The following TFCP2L1 variants were observed in gnomAD, a reference collection of about 807,000 sequenced individuals.
TFCP2L1 encodes transcription factor CP2-like protein 1.
A neutral mutation model predicts 72.2 loss-of-function variants in TFCP2L1; 12 were observed. That is an observed-to-expected ratio of 0.17 (90% CI 0.11 to 0.27). TFCP2L1 has a LOEUF of 0.27. TFCP2L1 is among the 10% of genes least tolerant of loss of function. The pLI is 1.00. For synonymous variants in TFCP2L1, 260 were observed against 251.0 expected, an observed-to-expected ratio of 1.04 and a Z score of -0.34; for missense variants, 488 against 624.6, an observed-to-expected ratio of 0.78 and a Z score of 2.33.
rs557067549 is a variant in TFCP2L1 at position 121,237,871 on chromosome 2, T to C, written c.861-21A>G. Reference sequence around the variant, plus strand: ...CGTTGCTGCAAGGAAAAGGAACCAGTGATGAGGACAGAGGGGGCTCCCAGG... The same window carrying C: ...CGTTGCTGCAAGGAAAAGGAACCAGCGATGAGGACAGAGGGGGCTCCCAGG... On this transcript the variant is annotated intron_variant, in intron 8 of 14. Coordinates refer to ENST00000263707, the MANE Select transcript of TFCP2L1 (RefSeq NM_014553.3). 4.0e-5 allele frequency: 65 copies of C among 1,613,576 alleles called. No homozygotes were observed. In the South Asian group the frequency reaches 6.8e-4, roughly 17 times the overall value.
chr2:121,254,680 C>G (rs141397787), intron 2 of TFCP2L1, among the ~76,000 whole-genome samples: 6 of 152,094 alleles, frequency 3.9e-5, no homozygotes, highest in African/African-American at 1.4e-4. Context: ...TGCTTGTAAT[C>G]GCAGCTATTC....
intron 2 of TFCP2L1, among the ~76,000 whole-genome samples, chr2:121,270,024 T>C (rs953032562): frequency 6.6e-6 from 1 of 151,128 alleles, no homozygotes; most frequent in Non-Finnish European, 1.5e-5. Flanking sequence ...ATCCCAAATA[T>C]ACAAGCAGCT....
chr2:121,264,980 A>G (rs915209077), intron 2 of TFCP2L1, among the ~76,000 whole-genome samples: 1 of 152,180 alleles, frequency 6.6e-6, no homozygotes, highest in African/African-American at 2.4e-5. Flanking sequence ...CTACAAATAT[A>G]ACCAAGAGAA....
At chr2:121,269,424 G>T (rs1686999158) in intron 2 of TFCP2L1, among the ~76,000 whole-genome samples, 1 of 151,778 alleles carries the variant, frequency 6.6e-6, no homozygotes, top group African/African-American at 2.4e-5. Context: ...CTCTAGCCTG[G>T]GTGACAGAGG....
chr2:121,244,830 T>C (rs1422473263), intron 6 of TFCP2L1, among the ~76,000 whole-genome samples: 1 of 151,366 alleles, frequency 6.6e-6, no homozygotes. Context: ...TGAGGGGAGG[T>C]GGTGGCCAGA....
intron 6 of TFCP2L1, among the ~76,000 whole-genome samples, chr2:121,245,802 C>G (rs1394540655): frequency 6.6e-6 from 1 of 152,158 alleles, no homozygotes; most frequent in Non-Finnish European, 1.5e-5. Context: ...TACCTGTGGG[C>G]ATTTATTCCC....
chr2:121,228,875 T>A (rs1686086077), intron 13 of TFCP2L1, among the ~76,000 whole-genome samples: 1 of 150,610 alleles, frequency 6.6e-6, no homozygotes, highest in Non-Finnish European at 1.5e-5. Context: ...AAGTTGCAGA[T>A]AAGATAAATG....
rs1468605523 is a variant in TFCP2L1, at chr2:121,221,137, G to A, written c.*3204C>T. The A allele has an allele frequency of 1.3e-5, 2 of 152,188 alleles. No individual in the cohort carries two copies. Among genetic ancestry groups the A allele is most frequent in the Non-Finnish European group, 2.9e-5 (2 of 68,042 alleles). The allele number at this position is 152,188 out of a possible 1,614,324, so 9.4% of individuals were successfully genotyped here. ...TCAGAAGACTAAAGGTCTAGTCCTG[G>A]TCCTTCCACTAATGGGCTATGGTGA... is the stretch of plus-strand genomic sequence containing the variant. On this transcript the variant is annotated 3_prime_UTR_variant, in exon 15 of 15. Coordinates refer to ENST00000263707, the MANE Select transcript of TFCP2L1 (RefSeq NM_014553.3).
chr2:121,248,363 C>T (rs1686533186), intron 4 of TFCP2L1, 93 bp from the exon 5 acceptor site: 1 of 1,010,780 alleles, frequency 9.9e-7, no homozygotes, highest in Admixed American at 2.8e-5. Flanking sequence ...AATTCCTTCG[C>T]CCCAATTTGC....
At chr2:121,270,303 GT>G (rs1364624990) in intron 2 of TFCP2L1, among the ~76,000 whole-genome samples, 1 of 152,196 alleles carries the variant, frequency 6.6e-6, no homozygotes, top group Non-Finnish European at 1.5e-5. Context: ...CTGCCCTCAA[GT>G]TTATATTTCA....
At chr2:121,253,044 C>T (rs555272517) in intron 2 of TFCP2L1, among the ~76,000 whole-genome samples, 61 of 152,236 alleles carry the variant, frequency 4.0e-4, no homozygotes, top group African/African-American at 1.4e-3. Context: ...ATGCCAAATG[C>T]GGTGGGTGGG....
At chr2:121,241,879 T>C (rs1686376159) in intron 7 of TFCP2L1, among the ~76,000 whole-genome samples, 2 of 152,086 alleles carry the variant, frequency 1.3e-5, no homozygotes, top group East Asian at 1.9e-4. Flanking sequence ...GTTGTGTCTA[T>C]GTACACTGTT....
rs557755239 is a variant in TFCP2L1 at position 121,284,404 on chromosome 2, A to G, written c.62+644T>C. 1.1e-3 allele frequency among the ~76,000 whole-genome samples: 160 copies of G among 152,348 alleles called. No homozygotes were observed. The South Asian group carries it at 0.012, about 12-fold the overall frequency. On this transcript the variant is annotated intron_variant, in intron 1 of 14. Transcript: ENST00000263707. ...AAGAGGGGCCTGTGGGGAACTGTGC[A>G]AAACACGCAGGACTTACTTTCCCCT...
intron 10 of TFCP2L1, among the ~76,000 whole-genome samples, chr2:121,236,221 T>C (rs1195507522): frequency 6.6e-6 from 1 of 152,188 alleles, no homozygotes; most frequent in Non-Finnish European, 1.5e-5. Flanking sequence ...TTCTCATACA[T>C]GTCTTTGTTC....
rs1176890552 is a variant in TFCP2L1, at chr2:121,240,505, G to A, written c.769-856C>T. 3.0e-6 allele frequency: 3 copies of A among 985,306 alleles called. No homozygotes were observed. In the African/African-American group the frequency reaches 5.2e-5, roughly 17 times the overall value. 61.0% of individuals were successfully genotyped at this position (985,306 alleles called of 1,614,324 possible). ...GTATTGTGAGTGTGGGCTCGAATTT[G>A]TTGGTGCTAAATCCTACAGCCCAAG... On this transcript the variant is annotated intron_variant, in intron 7 of 14. Transcript: ENST00000263707.
intron 7 of TFCP2L1, 76 bp from the exon 8 acceptor site, chr2:121,239,725 C>A: frequency 7.3e-7 from 1 of 1,370,982 alleles, no homozygotes; most frequent in South Asian, 1.3e-5. Context: ...CCCAAGCAGG[C>A]ATGCACTGAC....
intron 2 of TFCP2L1, among the ~76,000 whole-genome samples, chr2:121,280,306 C>T (rs1687229699): frequency 6.6e-6 from 1 of 152,168 alleles, no homozygotes; most frequent in Admixed American, 6.5e-5. Flanking sequence ...GTCCCCATCA[C>T]CACAGAGGAC....
intron 7 of TFCP2L1, 46 bp from the exon 8 acceptor site, chr2:121,239,695 A>G (rs1287802454): frequency 6.3e-7 from 1 of 1,574,922 alleles, no homozygotes; most frequent in Non-Finnish European, 8.7e-7. Context: ...AGAGGCGCTG[A>G]GCCGTGCTCC....
chr2:121,262,795 T>C (rs2104733015), intron 2 of TFCP2L1, among the ~76,000 whole-genome samples: 1 of 152,350 alleles, frequency 6.6e-6, no homozygotes, highest in African/African-American at 2.4e-5. Context: ...TCTAAATTTA[T>C]TTCCTCCTCC....
Sources: allele counts gnomAD v4.1 joint callset (sites outside exome capture counted in the v4.1 genomes callset), GRCh38; gene constraint gnomAD v4.1.1; transcripts MANE v1.5; gene names NCBI Gene and HGNC (gene_info 2026-07-23, HGNC 2026-07-21).